The following LZTFL1 variants were observed in gnomAD, a reference collection of about 807,000 sequenced individuals.
The protein encoded by LZTFL1 is leucine zipper transcription factor-like protein 1.
Under a neutral mutation model 45.9 loss-of-function variants are expected in LZTFL1, and 25 were observed. The observed-to-expected ratio is 0.54, with a 90% CI of 0.40 to 0.76. The LOEUF (loss-of-function observed/expected upper bound fraction) is 0.76. Ranked by LOEUF, LZTFL1 falls within the 30% of genes least tolerant of loss-of-function variation. The pLI, the probability that LZTFL1 is intolerant of heterozygous loss-of-function variation, is 0.00. For synonymous variants in LZTFL1, 93 were observed against 117.4 expected, an observed-to-expected ratio of 0.79 and a Z score of 1.35; for missense variants, 277 against 331.1, an observed-to-expected ratio of 0.84 and a Z score of 1.27.
chr3:45,837,776 G>A, intron 2 of LZTFL1, 151 bp downstream of exon 2: 1 of 647,016 alleles, frequency 1.5e-6, no homozygotes, highest in East Asian at 3.0e-5. Context: ...TTTGTTTCCT[G>A]TATCCATGAG....
At position 45,828,619 on chromosome 3, in the gene LZTFL1, T is replaced by A. The variant is rs1057003596; in HGVS notation, c.601-4A>T. 1 of 1,599,856 alleles carries A rather than the reference T, an allele frequency of 6.3e-7. No individual in the cohort carries two copies. Among genetic ancestry groups the A allele is most frequent in the African/African-American group, 1.4e-5 (1 of 73,812 alleles). ...AGTCTTGGGCCTTTATAAAATCCTA[T>A]GAAAAATAAATGCATGCATGTAATT... On this transcript the variant is annotated splice_region_variant and splice_polypyrimidine_tract_variant and intron_variant, in intron 7 of 9. Coordinates refer to ENST00000296135, the MANE Select transcript of LZTFL1 (RefSeq NM_020347.4).
rs755014493 is a variant in LZTFL1 at position 45,901,634 on chromosome 3, T to C, written c.-215+11486A>G. ...TGTTGGTGCAGACCATTGACGCCTA[T>C]GCCATGTTCATCTCCAACTGTGCCG... On this transcript the variant is annotated intron_variant, in intron 2 of 4. Transcript: ENST00000472635. The surrounding 1 kb of genome is among the most constrained non-coding windows in gnomAD (Gnocchi z 4.3). 33 of 1,614,232 alleles carry C rather than the reference T, an allele frequency of 2.0e-5. No homozygotes were observed. Among genetic ancestry groups the C allele is most frequent in the Non-Finnish European group, 2.7e-5 (32 of 1,180,014 alleles).
chr3:45,867,561 A>C (rs1701597588), intron 2 of LZTFL1, among the ~76,000 whole-genome samples: 1 of 151,996 alleles, frequency 6.6e-6, no homozygotes, highest in African/African-American at 2.4e-5. Context: ...AACTCATCTT[A>C]GGCTGGGCAC....
chr3:45,843,045 G>A (rs182339853), upstream of LZTFL1, among the ~76,000 whole-genome samples: 1 of 152,354 alleles, frequency 6.6e-6, no homozygotes, highest in East Asian at 1.9e-4. Context: ...TGTGTCACCT[G>A]GAGCATTCCA....
chr3:45,914,042 G>A (rs149932014), intron 1 of LZTFL1, among the ~76,000 whole-genome samples: 50 of 152,260 alleles, frequency 3.3e-4, no homozygotes, highest in African/African-American at 1.1e-3. Flanking sequence ...CCATCATTGC[G>A]CCCTAGTGCT....
chr3:45,912,181 G>T (rs62245103), intron 2 of LZTFL1, among the ~76,000 whole-genome samples: 3,591 of 152,288 alleles, frequency 0.024, 63 homozygotes, highest in Non-Finnish European at 0.035. Flanking sequence ...AGACATTGTG[G>T]CCATGAAGAT....
chr3:45,874,128 C>G (rs1322823822), intron 2 of LZTFL1, among the ~76,000 whole-genome samples: 1 of 152,160 alleles, frequency 6.6e-6, no homozygotes, highest in African/African-American at 2.4e-5. Flanking sequence ...TTAATCTCTC[C>G]CATCTTCATT....
upstream of LZTFL1, among the ~76,000 whole-genome samples, chr3:45,842,367 C>A (rs1435826675): frequency 2.0e-5 from 3 of 152,220 alleles, no homozygotes; most frequent in African/African-American, 7.2e-5. Flanking sequence ...TCGTGGCGTC[C>A]GCTTATGGAT....
intron 3 of LZTFL1, among the ~76,000 whole-genome samples, chr3:45,858,263 G>A (rs1227237411): frequency 6.6e-6 from 1 of 152,278 alleles, no homozygotes; most frequent in Admixed American, 6.5e-5. Context: ...GCTTCACAAG[G>A]TTATTTTGTG....
intron 1 of LZTFL1, among the ~76,000 whole-genome samples, chr3:45,914,556 G>C (rs572463080): frequency 6.6e-6 from 1 of 152,140 alleles, no homozygotes; most frequent in Admixed American, 6.5e-5. Flanking sequence ...TTATAGGCAT[G>C]AGCCACCACA....
chr3:45,876,085 C>T (rs568452762), intron 2 of LZTFL1, among the ~76,000 whole-genome samples: 5 of 152,312 alleles, frequency 3.3e-5, no homozygotes, highest in Admixed American at 6.5e-5. Context: ...AGATAAAGTT[C>T]GTAAAGCTCT....
chr3:45,875,938 A>G (rs1039062040), intron 2 of LZTFL1, among the ~76,000 whole-genome samples: 3 of 152,228 alleles, frequency 2.0e-5, no homozygotes, highest in Admixed American at 2.0e-4. Context: ...GGAAAAAATT[A>G]TGGCCTTTGA....
intron 2 of LZTFL1, among the ~76,000 whole-genome samples, chr3:45,873,812 G>A (rs531359479): frequency 1.3e-5 from 2 of 152,082 alleles, no homozygotes; most frequent in Non-Finnish European, 2.9e-5. Context: ...CTAGGATACC[G>A]TCTCCTCCCT....
chr3:45,843,549 G>A (rs547184179), upstream of LZTFL1, among the ~76,000 whole-genome samples: 2 of 152,180 alleles, frequency 1.3e-5, no homozygotes, highest in African/African-American at 4.8e-5. Context: ...ATTGCGAAGT[G>A]TTATCAATTC....
In LZTFL1 at chr3:45,901,367, C is replaced by T. The variant is rs367903658; in HGVS notation, c.-215+11753G>A. On this transcript the variant is annotated intron_variant, in intron 2 of 4. Coordinates refer to the LZTFL1 transcript ENST00000472635. The surrounding 1 kb of genome is among the most constrained non-coding windows in gnomAD (Gnocchi z 4.3). ...TATACAGCCAAATCAAGGAGGAATC[C>T]GGCATTGCTATCTGCACCATGGTTT... is the stretch of plus-strand genomic sequence containing the variant. 1.3e-5 allele frequency: 21 copies of T among 1,614,058 alleles called. No homozygotes were observed. The highest frequency in any genetic ancestry group is 4.0e-5 in the African/African-American group (3 of 74,932).
chr3:45,878,859 T>A (rs913955849), intron 2 of LZTFL1, among the ~76,000 whole-genome samples: 1 of 152,186 alleles, frequency 6.6e-6, no homozygotes, highest in Non-Finnish European at 1.5e-5. Context: ...GGCGGGCAGA[T>A]CACGAGGTCA....
intron 4 of LZTFL1, among the ~76,000 whole-genome samples, chr3:45,852,079 T>C (rs1425343846): frequency 2.6e-5 from 4 of 152,154 alleles, no homozygotes; most frequent in African/African-American, 9.7e-5. Context: ...CTGCTACTTT[T>C]CTAGAAGGGA....
chr3:45,905,706 T>A (rs1180216249), intron 2 of LZTFL1, among the ~76,000 whole-genome samples: 1 of 152,196 alleles, frequency 6.6e-6, no homozygotes, highest in Non-Finnish European at 1.5e-5. Flanking sequence ...CTCAGCCCGA[T>A]GGTGGCACTC....
In LZTFL1 at chr3:45,901,272, C is replaced by T. The variant is rs1553617912; in HGVS notation, c.-215+11848G>A. The T allele has an allele frequency of 5.0e-6, 8 of 1,614,186 alleles. No homozygotes were observed. The highest frequency in any genetic ancestry group is 6.8e-6 in the Non-Finnish European group (8 of 1,180,036). On this transcript the variant is annotated intron_variant, in intron 2 of 4. Transcript: ENST00000472635. This position sits in a 1 kb window ranked among gnomAD's most constrained non-coding sequence, Gnocchi z 4.3. Reference sequence around the variant, plus strand: ...AGCACATACTTGGAGGGAGAAAAGGCTTTTGTACAGCAAAATGGTTTGCTT... The same window carrying T: ...AGCACATACTTGGAGGGAGAAAAGGTTTTTGTACAGCAAAATGGTTTGCTT...
Sources: gnomAD v4.1 joint callset for allele counts (sites outside exome capture counted in the v4.1 genomes callset) on GRCh38, gnomAD v4.1.1 for gene constraint, Gnocchi (gnomAD v3.1) non-coding constraint, MANE v1.5 for transcripts, NCBI Gene and HGNC (gene_info 2026-07-23, HGNC 2026-07-21) for gene names.